MYO15B: variants seen among roughly 807,000 people sequenced by gnomAD.
The protein encoded by MYO15B is myosin XVB.
In MYO15B, 207 loss-of-function variants were observed where a neutral mutation model predicts 119.3. The observed-to-expected ratio is 1.73, with a 90% CI of 1.55 to 1.95. The LOEUF is 1.95. Among genes scored for constraint, MYO15B ranks in the 30% most tolerant of loss-of-function variants. The probability of loss-of-function intolerance (pLI) is 0.00; values close to 1 mark genes in which losing one functional copy is unlikely to be tolerated. For missense variants in MYO15B, 2,264 were observed against 1,203.1 expected (o/e 1.88, Z -13.04); for synonymous variants, 966 against 498.9 (o/e 1.94, Z -12.48).
intron 15 of MYO15B, 35 bp downstream of exon 15, chr17:75,601,598 G>C: frequency 1.4e-6 from 1 of 697,010 alleles, no homozygotes; most frequent in Non-Finnish European, 2.6e-6. Context: ...GGGTGAATCA[G>C]CGAGGGCAGT....
exon 21 of MYO15B, chr17:75,605,941 G>A: frequency 2.8e-6 from 2 of 702,762 alleles, no homozygotes; most frequent in East Asian, 2.7e-5. Flanking sequence ...TGGTCGACCT[G>A]CACCGCAGCT....
At chr17:75,594,235 C>T (rs1163292527) in intron 9 of MYO15B, among the ~76,000 whole-genome samples, 1 of 152,170 alleles carries the variant, frequency 6.6e-6, no homozygotes, top group Admixed American at 6.5e-5. Flanking sequence ...AGCAGTGAGG[C>T]CGTGGGGCGC....
At chr17:75,609,482 AT>A (rs1233026735) in intron 21 of MYO15B, among the ~76,000 whole-genome samples, 1 of 136,544 alleles carries the variant, frequency 7.3e-6, no homozygotes, top group Non-Finnish European at 1.5e-5. Flanking sequence ...GCTAAGGGAA[AT>A]GATTTTTTTT....
intron 14 of MYO15B, among the ~76,000 whole-genome samples, chr17:75,598,643 C>T (rs1341258427): frequency 6.6e-6 from 1 of 151,788 alleles, no homozygotes; most frequent in Non-Finnish European, 1.5e-5. Context: ...TCTTCATGTA[C>T]TATATATTGA....
exon 1 of MYO15B, chr17:75,588,351 G>C (rs2056193730): frequency 2.5e-6 from 1 of 398,468 alleles, no homozygotes; most frequent in Non-Finnish European, 4.4e-6. Context: ...CGCAGCGTCA[G>C]GGACGCGGGC....
At chr17:75,623,019 G>T (rs1055216736) in intron 53 of MYO15B, among the ~76,000 whole-genome samples, 8 of 151,530 alleles carry the variant, frequency 5.3e-5, no homozygotes, top group African/African-American at 1.7e-4. Flanking sequence ...GGTGGAGCCA[G>T]CAGAGATGAG....
chr17:75,621,071 C>G (rs973248183), exon 50 of MYO15B: 1 of 702,848 alleles, frequency 1.4e-6, no homozygotes, highest in East Asian at 2.7e-5. Context: ...AGTGACGACT[C>G]GGAGGCCACC....
chr17:75,589,078 CG>C lies in MYO15B; in HGVS notation c.1022del (p.Arg341ProfsTer28), dbSNP rs2056242568. On this transcript the variant is annotated frameshift_variant, in exon 1 of 64. Transcript: ENST00000645453. LOFTEE classifies it high-confidence loss of function. This position sits in a 1 kb window ranked among gnomAD's most constrained non-coding sequence, Gnocchi z 4.2. ...CCCGCTGGCGGCCCTCCTGGTGGTC[CG>C]CAGGCTCCTCGCGAGGCCCCCGCCA... The C allele has an allele frequency of 5.1e-6, 2 of 395,000 alleles. No homozygotes were observed. Among genetic ancestry groups the C allele is most frequent in the Non-Finnish European group, 8.9e-6 (2 of 223,790 alleles). The allele number at this position is 395,000 out of a possible 1,614,324, so 24.5% of individuals were successfully genotyped here. A position where few individuals can be genotyped will look rare whatever the true frequency, so the allele number is the denominator to read the frequency against.
At chr17:75,624,988 C>T (rs2058944560) in intron 59 of MYO15B, 72 bp downstream of exon 59, 3 of 684,130 alleles carry the variant, frequency 4.4e-6, no homozygotes, top group South Asian at 3.1e-5. Flanking sequence ...ACCTCCAAGC[C>T]CCTCTCCCCA....
chr17:75,592,307 G>C lies in MYO15B; in HGVS notation c.2715+6G>C. On this transcript the variant is annotated splice_donor_region_variant and intron_variant, in intron 7 of 63. Transcript: ENST00000645453. The stretch of plus-strand genomic sequence containing the variant: ...CCTCCAGGGTGGTGTTTCAGGTAAA[G>C]GCAGCCCTTCTATCCACCCCTGCCC... The C allele has an allele frequency of 1.4e-6, 1 of 702,898 alleles. No homozygotes were observed. The highest frequency in any genetic ancestry group is 2.6e-6 in the Non-Finnish European group (1 of 384,948). 43.5% of individuals were successfully genotyped at this position (702,898 alleles called of 1,614,324 possible).
chr17:75,605,998 T>C, exon 21 of MYO15B: 3 of 700,730 alleles, frequency 4.3e-6, no homozygotes, highest in Non-Finnish European at 7.8e-6. Context: ...GGATGCAGGC[T>C]CGCATGCGTG....
intron 42 of MYO15B, 51 bp downstream of exon 42, chr17:75,617,973 G>A: frequency 1.4e-6 from 1 of 696,692 alleles, no homozygotes; most frequent in Non-Finnish European, 2.6e-6. Context: ...TGGCAGGGAG[G>A]CGGCAGGCTT....
chr17:75,609,114 C>G (rs1171517494), intron 21 of MYO15B, among the ~76,000 whole-genome samples: 1 of 152,134 alleles, frequency 6.6e-6, no homozygotes, highest in Non-Finnish European at 1.5e-5. Context: ...GATCCTCCCA[C>G]TTGAGCCTCC....
chr17:75,615,330 C>A, exon 34 of MYO15B: 1 of 702,272 alleles, frequency 1.4e-6, no homozygotes, highest in South Asian at 1.5e-5. Context: ...ACAGTCCCTG[C>A]CATGCCAGGT....
chr17:75,624,006 G>A (rs750832167), exon 55 of MYO15B: 16 of 702,876 alleles, frequency 2.3e-5, no homozygotes, highest in Middle Eastern at 2.3e-4. Flanking sequence ...TCTTCCCCCC[G>A]TCGACCAGGC....
exon 41 of MYO15B, chr17:75,617,176 A>G (rs1369762273): frequency 2.0e-5 from 14 of 692,652 alleles, no homozygotes; most frequent in Non-Finnish European, 3.2e-5. Flanking sequence ...AGCTCCATCA[A>G]GGAAAAGCAG....
intron 20 of MYO15B, 54 bp downstream of exon 20, chr17:75,605,675 T>C (rs2057598460): frequency 4.3e-6 from 3 of 692,752 alleles, no homozygotes; most frequent in South Asian, 1.5e-5. Flanking sequence ...AAAGGAGAGG[T>C]GCATTCTGGG....
At chr17:75,605,770 G>T (rs768243931) in intron 20 of MYO15B, 94 bp from the exon 21 acceptor site, 1 of 648,430 alleles carries the variant, frequency 1.5e-6, no homozygotes, top group South Asian at 1.7e-5. Flanking sequence ...AAGAACAAAT[G>T]GTTTGGCTGG....
chr17:75,625,323 T>C (rs1033022117), intron 60 of MYO15B, 85 bp downstream of exon 60: 4 of 643,506 alleles, frequency 6.2e-6, no homozygotes, highest in Middle Eastern at 2.4e-4. Flanking sequence ...TGGCCCTAAA[T>C]GGACTGGCCA....
Sources: allele counts gnomAD v4.1 joint callset (sites outside exome capture counted in the v4.1 genomes callset), GRCh38; gene constraint gnomAD v4.1.1; non-coding constraint Gnocchi (gnomAD v3.1); transcripts MANE v1.5; gene names NCBI Gene and HGNC (gene_info 2026-07-23, HGNC 2026-07-21).